TNC: variants seen among roughly 807,000 people sequenced by gnomAD.
TNC encodes the protein tenascin C, also known as tenascin.
Under a neutral mutation model 202.4 loss-of-function variants are expected in TNC, and 109 were observed. That is an observed-to-expected ratio of 0.54 (90% CI 0.46 to 0.63). TNC has a LOEUF of 0.63. Among genes scored for constraint, TNC ranks in the 30% least tolerant of loss-of-function variants. The probability of loss-of-function intolerance (pLI) is 0.00; values close to 1 mark genes in which losing one functional copy is unlikely to be tolerated. For synonymous variants in TNC, 1,007 were observed against 1,089.7 expected, an observed-to-expected ratio of 0.92 and a Z score of 1.50; for missense variants, 2,756 against 2,833.3, an observed-to-expected ratio of 0.97 and a Z score of 0.62.
At chr9:115,023,473 G>A (rs952734265) in intron 27 of TNC, among the ~76,000 whole-genome samples, 4 of 152,216 alleles carry the variant, frequency 2.6e-5, no homozygotes, top group African/African-American at 9.7e-5. Context: ...CCAGGGGCTG[G>A]AAGTGGGGAG....
intron 27 of TNC, among the ~76,000 whole-genome samples, chr9:115,023,037 C>A (rs999511713): frequency 2.6e-3 from 314 of 121,782 alleles, no homozygotes; most frequent in Non-Finnish European, 2.8e-3. Context: ...TGCAAATATG[C>A]AAAAAAAAAA....
chr9:115,049,412 C>T (rs1035740893), intron 15 of TNC, among the ~76,000 whole-genome samples: 1 of 152,080 alleles, frequency 6.6e-6, no homozygotes, highest in African/African-American at 2.4e-5. Context: ...GTAGATATTG[C>T]TACCTGCCTT....
At chr9:115,066,987 C>A (rs192408658) in intron 10 of TNC, among the ~76,000 whole-genome samples, 1 of 152,274 alleles carries the variant, frequency 6.6e-6, no homozygotes, top group Non-Finnish European at 1.5e-5. Flanking sequence ...TCTTTAACCC[C>A]GACTCATATC....
At chr9:115,106,770 G>T (rs1836649409) in intron 1 of TNC, among the ~76,000 whole-genome samples, 1 of 152,190 alleles carries the variant, frequency 6.6e-6, no homozygotes, top group Non-Finnish European at 1.5e-5. Context: ...CAAGAAATCA[G>T]TCAAGATCAG....
intron 15 of TNC, among the ~76,000 whole-genome samples, chr9:115,048,940 T>A (rs1274762188): frequency 6.6e-6 from 1 of 152,128 alleles, no homozygotes; most frequent in Non-Finnish European, 1.5e-5. Context: ...GCTCTTTTTT[T>A]TTTTTTCGAG....
intron 21 of TNC, 37 bp downstream of exon 21, chr9:115,036,061 C>T (rs754233917): frequency 1.2e-6 from 2 of 1,612,756 alleles, no homozygotes; most frequent in Non-Finnish European, 1.7e-6. Flanking sequence ...GTGGGCACCC[C>T]AGAAGGGAGA....
chr9:115,031,058 A>G (rs758078245), intron 23 of TNC, among the ~76,000 whole-genome samples: 5 of 152,200 alleles, frequency 3.3e-5, no homozygotes, highest in African/African-American at 4.8e-5. Context: ...GCTTGGTGGG[A>G]AGATCATTTG....
chr9:115,036,297 T>G (rs1830328033), intron 20 of TNC, 56 bp from the exon 21 acceptor site: 1 of 1,594,800 alleles, frequency 6.3e-7, no homozygotes, highest in Non-Finnish European at 8.6e-7. Flanking sequence ...GAGCCATGAG[T>G]GGGCTTGGCA....
chr9:115,113,750 TA>T (rs1208813086), intron 1 of TNC, among the ~76,000 whole-genome samples: 1 of 152,224 alleles, frequency 6.6e-6, no homozygotes, highest in African/African-American at 2.4e-5. Context: ...TACATATTTT[TA>T]AAATCTCCAT....
In TNC at chr9:115,057,223, A is replaced by C. The variant is rs1438658755; in HGVS notation, c.4509T>G (p.Asp1503Glu). 6.2e-7 allele frequency: 1 copy of C among 1,614,036 alleles called. No homozygotes were observed. Among genetic ancestry groups the C allele is most frequent in the Non-Finnish European group, 8.5e-7 (1 of 1,180,034 alleles). The change falls in exon 15 of 28, where the codon GAT (aspartate) becomes GAG (glutamate). Residue 1503 changes from aspartate to glutamate, a missense_variant. Asp to Glu is a conservative substitution (Grantham distance 45). This residue lies in a region of TNC where 2,559 missense variants were observed against 2,546.0 expected (regional missense o/e 1.01). Coordinates refer to ENST00000350763, the MANE Select transcript of TNC (RefSeq NM_002160.4). Reference protein sequence around the residue: ...AHISGLPPSTDFIVYLSGLAP... With the variant: ...AHISGLPPSTEFIVYLSGLAP... ...CAAGTCCAGAGAGGTAGACAATAAA[A>C]TCAGTACTAGGGGGTAGCCCTGAGA...
rs114377859 is a variant in TNC at position 115,093,832 on chromosome 9, G to A, written c.-136-2678C>T. 6.5e-3 allele frequency among the ~76,000 whole-genome samples: 990 copies of A among 152,258 alleles called. 11 individuals carry two copies. The highest frequency in any genetic ancestry group is 0.023 in the African/African-American group (950 of 41,544). On this transcript the variant is annotated intron_variant, in intron 1 of 27. Transcript: ENST00000350763. Reference sequence around the variant, plus strand: ...ATTTCTCACTGTGTGTTTAAGAGACGTAAACTGGTACCACCAAATGTTGCA... The same window carrying A: ...ATTTCTCACTGTGTGTTTAAGAGACATAAACTGGTACCACCAAATGTTGCA...
At chr9:115,059,625 AC>A in intron 14 of TNC, 104 bp downstream of exon 14, 1 of 1,244,402 alleles carries the variant, frequency 8.0e-7, no homozygotes, top group Non-Finnish European at 1.1e-6. Context: ...ACTGAAAGGC[AC>A]ATGAAAAGGA....
chr9:115,041,310 G>T lies in TNC; in HGVS notation c.5249-226C>A, dbSNP rs1013107888. Among the ~76,000 whole-genome samples the T allele has an allele frequency of 4.0e-5, 5 of 124,604 alleles. 1 individual carries two copies. Among genetic ancestry groups the T allele is most frequent in the African/African-American group, 1.1e-4 (4 of 34,862 alleles). The allele number at this position is 124,604 out of a possible 152,430, so 81.7% of individuals were successfully genotyped here. ...TGCCAAAAACAAAGCCAGGAGGGGC[G>T]GGGGAAAACATGAAGTCACAACGTA... On this transcript the variant is annotated intron_variant, in intron 18 of 27. Transcript: ENST00000350763.
At chr9:115,108,252 G>T (rs1035328023) in intron 1 of TNC, among the ~76,000 whole-genome samples, 2 of 152,198 alleles carry the variant, frequency 1.3e-5, no homozygotes, top group African/African-American at 4.8e-5. Context: ...TTGTGCTCCA[G>T]TGAAGAATTT....
chr9:115,094,815 CTCTGTGTGTGTGTGTGTG>C lies in TNC; in HGVS notation c.-136-3679_-136-3662del, dbSNP rs1160249651. ...TAGCCCCTAAGGACAGAACAAGTGC[CTCTGTGTGTGTGTGTGTG>C]TGTGTGTGTGTGTGTGTGTGTGTGT... On this transcript the variant is annotated intron_variant, in intron 1 of 27. Coordinates refer to ENST00000350763, the MANE Select transcript of TNC (RefSeq NM_002160.4). 7.4e-4 allele frequency among the ~76,000 whole-genome samples: 93 copies of C among 125,300 alleles called. 2 individuals are homozygous for C. The South Asian group carries it at 9.1e-3, about 12-fold the overall frequency. 82.2% of individuals were successfully genotyped at this position (125,300 alleles called of 152,430 possible).
chr9:115,084,138 G>A, intron 4 of TNC, 71 bp downstream of exon 4: 3 of 1,517,394 alleles, frequency 2.0e-6, no homozygotes, highest in East Asian at 2.3e-5. Context: ...TAGGGGCCGT[G>A]GCGAGGGAGG....
chr9:115,031,021 A>G (rs1031338135), intron 23 of TNC, among the ~76,000 whole-genome samples: 3 of 152,176 alleles, frequency 2.0e-5, no homozygotes, highest in African/African-American at 7.2e-5. Context: ...CCCCACTAGA[A>G]CTTTGGGCAT....
chr9:115,090,898 G>A lies in TNC; in HGVS notation c.121C>T (p.Leu41=). The A allele has an allele frequency of 6.2e-7, 1 of 1,614,180 alleles. No individual in the cohort carries two copies. The highest frequency in any genetic ancestry group is 8.5e-7 in the Non-Finnish European group (1 of 1,180,034). Residue 41 remains leucine (L), a synonymous_variant, in exon 2 of 28, where the codon CTG becomes TTG. Coordinates refer to ENST00000350763, the MANE Select transcript of TNC (RefSeq NM_002160.4). ...HKRQSGVNAT[L]PEENQPVVFN... is the part of the protein sequence containing the mutation. ...ACCACTGGCTGGTTCTCTTCTGGCA[G>A]GGTGGCGTTCACCCCACTCTGTCGC...
Position 115,081,869 on chromosome 9 carries a change from C to A in TNC, c.2307G>T (p.Arg769=), listed in dbSNP as rs1422463113. ...KSLRRPETSY[R]QTGLAPGQEY... The stretch of plus-strand genomic sequence containing the variant: ...CTTGCCCAGGAGCTAGACCAGTTTG[C>A]CGGTAAGAGGTCTCTGGCCTCCTCA... Residue 769 remains arginine (R), a synonymous_variant, in exon 6 of 28, where the codon CGG becomes CGT. Coordinates refer to ENST00000350763, the MANE Select transcript of TNC (RefSeq NM_002160.4). The A allele has an allele frequency of 6.2e-7, 1 of 1,603,324 alleles. No individual in the cohort carries two copies. The highest frequency in any genetic ancestry group is 8.5e-7 in the Non-Finnish European group (1 of 1,177,116).
Sources: allele counts gnomAD v4.1 joint callset (sites outside exome capture counted in the v4.1 genomes callset), GRCh38; gene constraint gnomAD v4.1.1; regional missense constraint gnomAD v4.1.1; transcripts MANE v1.5; gene names NCBI Gene and HGNC (gene_info 2026-07-23, HGNC 2026-07-21).